BCAS3: variants seen among roughly 807,000 people sequenced by gnomAD.
BCAS3 encodes BCAS4/BCAS3 fusion.
Under a neutral mutation model 116.1 loss-of-function variants are expected in BCAS3, and 53 were observed. The ratio of observed to expected loss-of-function variants is 0.46; its 90% CI spans 0.37 to 0.57. BCAS3 has a LOEUF of 0.57. Among genes scored for constraint, BCAS3 ranks in the 20% least tolerant of loss-of-function variants. The probability of loss-of-function intolerance (pLI) is 0.00; values close to 1 mark genes in which losing one functional copy is unlikely to be tolerated. For missense variants in BCAS3, 917 were observed against 1,165.4 expected (o/e 0.79, Z 3.10); for synonymous variants, 391 against 408.2 (o/e 0.96, Z 0.51).
chr17:60,894,772 T>C (rs148809580), intron 10 of BCAS3, among the ~76,000 whole-genome samples: 9 of 152,366 alleles, frequency 5.9e-5, no homozygotes, highest in Admixed American at 1.3e-4. Context: ...GTTTTTATCA[T>C]GAAGGGATGT....
intron 5 of BCAS3, 193 bp downstream of exon 5, chr17:60,709,518 T>G (rs1041473519): frequency 1.2e-5 from 5 of 412,348 alleles, no homozygotes; most frequent in African/African-American, 1.0e-4. Context: ...ACCTCCCGAG[T>G]AGCTGAGATT....
rs2058799192 is a variant in BCAS3 at position 61,367,386 on chromosome 17, G to A, written c.2426-941G>A. The A allele has an allele frequency of 6.6e-6, 1 of 152,548 alleles. No homozygotes were observed. The highest frequency in any genetic ancestry group is 1.5e-5 in the Non-Finnish European group (1 of 68,020). 9.4% of individuals were successfully genotyped at this position (152,548 alleles called of 1,614,324 possible). On this transcript the variant is annotated intron_variant, in intron 22 of 23. Transcript: ENST00000407086. The surrounding 1 kb of genome is among the most constrained non-coding windows in gnomAD (Gnocchi z 6.2). ...AGAAGACTTGCTGTATAATAAAGTAGAATAATTCAAGTTCGGACTTTGAAG... is the reference window on the plus strand; with the variant it reads ...AGAAGACTTGCTGTATAATAAAGTAAAATAATTCAAGTTCGGACTTTGAAG...
At chr17:61,253,916 C>T (rs2048560080) in intron 22 of BCAS3, among the ~76,000 whole-genome samples, 1 of 152,040 alleles carries the variant, frequency 6.6e-6, no homozygotes, top group South Asian at 2.1e-4. Context: ...GCTAGCCTTA[C>T]TTGGTAATTG....
chr17:61,027,122 A>C (rs200867546), intron 16 of BCAS3, among the ~76,000 whole-genome samples: 3 of 125,004 alleles, frequency 2.4e-5, no homozygotes, highest in Non-Finnish European at 5.0e-5. Flanking sequence ...AGTAAAAAAC[A>C]AAAAAAAAAA....
chr17:60,864,261 A>G (rs1314427400), intron 7 of BCAS3, among the ~76,000 whole-genome samples: 1 of 152,320 alleles, frequency 6.6e-6, no homozygotes, highest in East Asian at 1.9e-4. Context: ...AGTGTCACTT[A>G]GCATGGAAAT....
rs892066569 is a variant in BCAS3 at position 61,365,839 on chromosome 17, A to G, written c.2426-2488A>G. ...TCCAGGCTCTGAAACATCTCTGTCC[A>G]TAAGAAAGCTGAGTGTATAGCAGCC... On this transcript the variant is annotated intron_variant, in intron 22 of 23. Coordinates refer to ENST00000407086, the MANE Select transcript of BCAS3 (RefSeq NM_017679.5). This position sits in a 1 kb window ranked among gnomAD's most constrained non-coding sequence, Gnocchi z 4.6. Among the ~76,000 whole-genome samples, 2 of 152,146 alleles carry G rather than the reference A, an allele frequency of 1.3e-5. No individual in the cohort carries two copies. The highest frequency in any genetic ancestry group is 1.9e-4 in the East Asian group (1 of 5,154).
At chr17:60,777,538 A>T (rs886462057) in intron 6 of BCAS3, among the ~76,000 whole-genome samples, 1 of 152,140 alleles carries the variant, frequency 6.6e-6, no homozygotes, top group Non-Finnish European at 1.5e-5. Context: ...AGGCATGAAA[A>T]TCGCTTGAAT....
At position 61,387,430 on chromosome 17, in the gene BCAS3, G is replaced by C; in HGVS notation, c.2594-4547G>C. Among the ~76,000 whole-genome samples, 1 of 152,210 alleles carries C rather than the reference G, an allele frequency of 6.6e-6. No individual in the cohort carries two copies. Among genetic ancestry groups the C allele is most frequent in the East Asian group, 1.9e-4 (1 of 5,194 alleles). ...TTTCTGCCCCCTCTGACACCTCTGA[G>C]TTTGGATGGGCTCCATATGGAGTGG... On this transcript the variant is annotated intron_variant, in intron 23 of 23. Coordinates refer to ENST00000407086, the MANE Select transcript of BCAS3 (RefSeq NM_017679.5). The surrounding 1 kb of genome is among the most constrained non-coding windows in gnomAD (Gnocchi z 6.2).
At chr17:60,918,078 T>A (rs559080564) in intron 12 of BCAS3, among the ~76,000 whole-genome samples, 2 of 152,326 alleles carry the variant, frequency 1.3e-5, no homozygotes, top group African/African-American at 4.8e-5. Context: ...CATTTTAAAT[T>A]CCCACCAGTG....
chr17:61,192,066 G>A (rs953190925), intron 22 of BCAS3, among the ~76,000 whole-genome samples: 34 of 151,742 alleles, frequency 2.2e-4, no homozygotes, highest in Non-Finnish European at 2.1e-4. Context: ...CCAAAATGGT[G>A]AAACCCTATC....
At chr17:61,318,878 T>C (rs2054963514) in intron 22 of BCAS3, among the ~76,000 whole-genome samples, 2 of 152,240 alleles carry the variant, frequency 1.3e-5, no homozygotes, top group Admixed American at 1.3e-4. Context: ...ATATTGGCCA[T>C]GTGCTAGCTG....
Position 61,200,295 on chromosome 17 carries a change from ATTAG to A in BCAS3, c.2425+115740_2425+115743del, listed in dbSNP as rs1347911206. On this transcript the variant is annotated intron_variant, in intron 22 of 23. Transcript: ENST00000407086. The surrounding 1 kb of genome is among the most constrained non-coding windows in gnomAD (Gnocchi z 5.1). The stretch of plus-strand genomic sequence containing the variant: ...TGAGAAGGAGATTAATATTAATACA[ATTAG>A]TTAGTTAGCTTATTATTCTTGCCTT... 9.8e-5 allele frequency among the ~76,000 whole-genome samples: 15 copies of A among 152,376 alleles called. No individual in the cohort carries two copies. Among genetic ancestry groups the A allele is most frequent in the East Asian group, 3.9e-4 (2 of 5,188 alleles).
chr17:61,296,975 T>A (rs1157010963), intron 22 of BCAS3, among the ~76,000 whole-genome samples: 6 of 152,148 alleles, frequency 3.9e-5, no homozygotes, highest in African/African-American at 1.4e-4. Context: ...CAAGGTAATA[T>A]GATCAACACG....
intron 22 of BCAS3, among the ~76,000 whole-genome samples, chr17:61,250,153 A>C (rs958316550): frequency 3.3e-5 from 5 of 152,324 alleles, no homozygotes; most frequent in Non-Finnish European, 7.3e-5. Context: ...TTGCCTTCAT[A>C]ATTGTCTGCA....
intron 22 of BCAS3, among the ~76,000 whole-genome samples, chr17:61,160,388 A>C (rs147843641): frequency 2.6e-5 from 4 of 152,206 alleles, no homozygotes; most frequent in Non-Finnish European, 4.4e-5. Flanking sequence ...TGGATGGTTA[A>C]TATACGGAAT....
chr17:60,711,314 C>T (rs945213180), intron 5 of BCAS3, among the ~76,000 whole-genome samples: 3 of 151,772 alleles, frequency 2.0e-5, no homozygotes, highest in Non-Finnish European at 2.9e-5. Context: ...GTTCCAAAGG[C>T]GTGGAGAAAG....
chr17:60,776,103 T>C (rs1402990062), intron 6 of BCAS3, among the ~76,000 whole-genome samples: 1 of 152,234 alleles, frequency 6.6e-6, no homozygotes, highest in Non-Finnish European at 1.5e-5. Context: ...TCCCTCTGTA[T>C]GGGAAATACA....
intron 22 of BCAS3, among the ~76,000 whole-genome samples, chr17:61,257,985 C>A (rs2144576032): frequency 6.6e-6 from 1 of 152,234 alleles, no homozygotes; most frequent in East Asian, 1.9e-4. Context: ...ATTGTTAATC[C>A]TCTCTTGAGC....
intron 5 of BCAS3, among the ~76,000 whole-genome samples, chr17:60,739,534 C>T (rs540886552): frequency 2.4e-4 from 37 of 152,046 alleles, no homozygotes; most frequent in Admixed American, 2.1e-3. Flanking sequence ...GCAGGAGAAT[C>T]GCTTGAATTC....
Sources: gnomAD v4.1 joint callset for allele counts (sites outside exome capture counted in the v4.1 genomes callset) on GRCh38, gnomAD v4.1.1 for gene constraint, Gnocchi (gnomAD v3.1) non-coding constraint, MANE v1.5 for transcripts, NCBI Gene and HGNC (gene_info 2026-07-23, HGNC 2026-07-21) for gene names.